The following BAZ1B variants were observed in gnomAD, a reference collection of about 807,000 sequenced individuals.
The protein encoded by BAZ1B is bromodomain adjacent to zinc finger domain 1B, also known as tyrosine-protein kinase BAZ1B.
In BAZ1B, 22 loss-of-function variants were observed where a neutral mutation model predicts 153.8. The ratio of observed to expected loss-of-function variants is 0.14; its 90% confidence interval spans 0.10 to 0.20. The LOEUF (loss-of-function observed/expected upper bound fraction) is 0.20. Among genes scored for constraint, BAZ1B ranks in the 10% least tolerant of loss-of-function variants. The pLI, the probability that BAZ1B is intolerant of heterozygous loss-of-function variation, is 1.00. For synonymous variants in BAZ1B, 676 were observed against 633.4 expected, an observed-to-expected ratio of 1.07 and a Z score of -1.01; for missense variants, 1,325 against 1,799.3, an observed-to-expected ratio of 0.74 and a Z score of 4.77.
At chr7:73,515,659 TC>T (rs1790769138) in intron 1 of BAZ1B, among the ~76,000 whole-genome samples, 1 of 148,062 alleles carries the variant, frequency 6.8e-6, no homozygotes. Context: ...CACCTCAGCC[TC>T]CCAAGTAATT....
chr7:73,464,984 C>CT (rs1554570975), intron 11 of BAZ1B, among the ~76,000 whole-genome samples: 1 of 152,158 alleles, frequency 6.6e-6, no homozygotes, highest in Non-Finnish European at 1.5e-5. Context: ...ACTGGCCTGC[C>CT]TTTACCTCTC....
At chr7:73,501,609 T>C (rs1221801900) in intron 3 of BAZ1B, among the ~76,000 whole-genome samples, 3 of 152,158 alleles carry the variant, frequency 2.0e-5, no homozygotes, top group African/African-American at 7.2e-5. Flanking sequence ...GAATCATCTG[T>C]CCTAAAGTTT....
chr7:73,510,659 AC>A (rs1790542479), intron 2 of BAZ1B, 76 bp downstream of exon 2: 2 of 1,357,518 alleles, frequency 1.5e-6, no homozygotes, highest in Non-Finnish European at 2.1e-6. Flanking sequence ...AAATACACAT[AC>A]TGCTTTAGGG....
chr7:73,441,977 G>GTAA (rs1787635237), intron 19 of BAZ1B: 1 of 565,990 alleles, frequency 1.8e-6, no homozygotes, highest in Non-Finnish European at 3.1e-6. Context: ...AGAAGGGAGG[G>GTAA]TTATGGCCCT....
In BAZ1B at chr7:73,510,614, A is replaced by C. The variant is rs74752085; in HGVS notation, c.224+122T>G. ...AACCCAGAAACCCATACAGTACACTAATGTAATATAGTCTAATTTGTGCCC... is the reference window on the plus strand; with the variant it reads ...AACCCAGAAACCCATACAGTACACTCATGTAATATAGTCTAATTTGTGCCC... On this transcript the variant is annotated intron_variant, in intron 2 of 19. Coordinates refer to ENST00000339594, the MANE Select transcript of BAZ1B (RefSeq NM_032408.4). The C allele has an allele frequency of 1.2e-4, 112 of 917,878 alleles. 1 individual carries two copies. In the East Asian group the frequency reaches 2.4e-3, roughly 19 times the overall value. The allele number at this position is 917,878 out of a possible 1,614,324, so 56.9% of individuals were successfully genotyped here. A position where few individuals can be genotyped will look rare whatever the true frequency, so the allele number is the denominator to read the frequency against.
Position 73,477,634 on chromosome 7 carries a change from A to G in BAZ1B, c.1827T>C (p.Asp609=). ...PEGLPNTLFG[D]VAMVVEFLSC... ...TCAAGAATTCCACCACCATGGCCAC[A>G]TCCCCAAACAGCGTGTTGGGCAGCC... Residue 609 remains aspartate (D), a synonymous_variant, in exon 7 of 20, where the codon GAT becomes GAC. Transcript: ENST00000339594. The surrounding 1 kb of genome is among the most constrained non-coding windows in gnomAD (Gnocchi z 5.6). The G allele has an allele frequency of 6.2e-7, 1 of 1,614,212 alleles. No homozygotes were observed. Among genetic ancestry groups the G allele is most frequent in the Non-Finnish European group, 8.5e-7 (1 of 1,180,026 alleles).
chr7:73,518,639 G>C (rs750268088), intron 1 of BAZ1B, among the ~76,000 whole-genome samples: 19 of 151,980 alleles, frequency 1.3e-4, no homozygotes, highest in Non-Finnish European at 2.4e-4. Flanking sequence ...CCGGTTCAAG[G>C]CTTCCCTGTG....
At chr7:73,466,860 T>G (rs1788608743) in intron 9 of BAZ1B, among the ~76,000 whole-genome samples, 1 of 152,222 alleles carries the variant, frequency 6.6e-6, no homozygotes, top group Non-Finnish European at 1.5e-5. Context: ...ATACGTGACT[T>G]TAACATAGAT....
intron 5 of BAZ1B, among the ~76,000 whole-genome samples, chr7:73,491,677 T>C (rs1789650109): frequency 1.3e-5 from 2 of 151,862 alleles, no homozygotes; most frequent in South Asian, 4.1e-4. Flanking sequence ...ACACCAACAG[T>C]CAGAATGGAA....
chr7:73,459,722 T>A lies in BAZ1B; in HGVS notation c.3250-4A>T, dbSNP rs372090497. ...TCAATTTCTCTAATGAAATGACCTA[T>A]AGGAAAGGATTTTAAAACCAGACTG... On this transcript the variant is annotated splice_polypyrimidine_tract_variant and splice_region_variant and intron_variant, in intron 12 of 19. Coordinates refer to ENST00000339594, the MANE Select transcript of BAZ1B (RefSeq NM_032408.4). 1.1e-4 allele frequency: 181 copies of A among 1,575,492 alleles called. No homozygotes were observed. The highest frequency in any genetic ancestry group is 1.4e-4 in the Non-Finnish European group (164 of 1,163,970).
intron 11 of BAZ1B, 132 bp from the exon 12 acceptor site, chr7:73,463,231 T>A: frequency 1.2e-6 from 1 of 837,102 alleles, no homozygotes; most frequent in Non-Finnish European, 1.8e-6. Flanking sequence ...TGGTGTTTTT[T>A]CTTTTTTCTT....
At chr7:73,492,021 C>T (rs1215613138) in intron 5 of BAZ1B, among the ~76,000 whole-genome samples, 10 of 137,864 alleles carry the variant, frequency 7.3e-5, no homozygotes, top group Non-Finnish European at 1.1e-4. Flanking sequence ...GACGGAGTCT[C>T]GCTCTATGTT....
rs140278180 is a variant in BAZ1B, at chr7:73,477,030, C to G, written c.2431G>C (p.Val811Leu). ...MEAKNKENGK[V>L]ENGLGKTDRK... ...TCAGTTTTGCCTAACCCATTCTCAA[C>G]TTTTCCATTTTCTTTATTTTTGGCT... Residue 811 changes from valine to leucine, a missense_variant, in exon 7 of 20, where the codon GTT becomes CTT. This residue lies in a region of BAZ1B where 431 missense variants were observed against 563.5 expected (regional missense o/e 0.76). Coordinates refer to ENST00000339594, the MANE Select transcript of BAZ1B (RefSeq NM_032408.4). The surrounding 1 kb of genome is among the most constrained non-coding windows in gnomAD (Gnocchi z 5.6). 1 of 1,614,186 alleles carries G rather than the reference C, an allele frequency of 6.2e-7. No individual in the cohort carries two copies. The highest frequency in any genetic ancestry group is 8.5e-7 in the Non-Finnish European group (1 of 1,180,030).
chr7:73,493,921 T>C (rs1789764148), intron 4 of BAZ1B, among the ~76,000 whole-genome samples: 1 of 150,820 alleles, frequency 6.6e-6, no homozygotes, highest in African/African-American at 2.4e-5. Flanking sequence ...TAAGGTGTGG[T>C]TAAATATGAT....
intron 8 of BAZ1B, among the ~76,000 whole-genome samples, 200 bp from the exon 9 acceptor site, chr7:73,469,850 C>A (rs1196350327): frequency 6.6e-6 from 1 of 152,134 alleles, no homozygotes. Flanking sequence ...TGGAGACTAG[C>A]TTAATGTTCG....
chr7:73,477,184 T>G lies in BAZ1B; in HGVS notation c.2277A>C (p.Thr759=). Residue 759 remains threonine, a synonymous_variant, in exon 7 of 20, where the codon ACA becomes ACC. Transcript: ENST00000339594. This position sits in a 1 kb window ranked among gnomAD's most constrained non-coding sequence, Gnocchi z 5.6. ...TCTCCATGTGGTCTTGCACTGAGTA[T>G]GTCATGAGGATCCGGTGGCACAGTG... ...LTALCHRILM[T]YSVQDHMETR... is the part of the protein sequence containing the mutation. 2 of 1,614,248 alleles carry G rather than the reference T, an allele frequency of 1.2e-6. No homozygotes were observed. The highest frequency in any genetic ancestry group is 1.7e-6 in the Non-Finnish European group (2 of 1,180,042).
At chr7:73,445,956 T>C (rs1487631730) in intron 16 of BAZ1B, among the ~76,000 whole-genome samples, 3 of 152,190 alleles carry the variant, frequency 2.0e-5, no homozygotes, top group Non-Finnish European at 4.4e-5. Context: ...GCAGGACTGA[T>C]GGGCCATTTG....
At chr7:73,449,365 C>A (rs1773389427) in intron 15 of BAZ1B, among the ~76,000 whole-genome samples, 177 bp downstream of exon 15, 1 of 152,126 alleles carries the variant, frequency 6.6e-6, no homozygotes, top group African/African-American at 2.4e-5. Context: ...CAACATTCAG[C>A]TAAAATTAGC....
chr7:73,498,747 C>A (rs1554576714), intron 3 of BAZ1B, 49 bp from the exon 4 acceptor site: 1 of 1,531,064 alleles, frequency 6.5e-7, no homozygotes, highest in Non-Finnish European at 9.0e-7. Flanking sequence ...CACCCAGAAA[C>A]CTGAAGATGT....
Sources: allele counts gnomAD v4.1 joint callset (sites outside exome capture counted in the v4.1 genomes callset), GRCh38; gene constraint gnomAD v4.1.1; regional missense constraint gnomAD v4.1.1; non-coding constraint Gnocchi (gnomAD v3.1); transcripts MANE v1.5; gene names NCBI Gene and HGNC (gene_info 2026-07-23, HGNC 2026-07-21).